The following ADAMTS18 variants were observed in gnomAD, a reference collection of about 807,000 sequenced individuals.
The protein encoded by ADAMTS18 is ADAM metallopeptidase with thrombospondin type 1 motif 18.
Under a neutral mutation model 165.9 loss-of-function variants are expected in ADAMTS18, and 157 were observed. That is an observed-to-expected ratio of 0.95 (90% CI 0.83 to 1.08). The LOEUF is 1.08. ADAMTS18 is among the 50% of genes least tolerant of loss of function. The probability of loss-of-function intolerance (pLI) is 0.00; values close to 1 mark genes in which losing one functional copy is unlikely to be tolerated. For synonymous variants in ADAMTS18, 782 were observed against 578.2 expected, an observed-to-expected ratio of 1.35 and a Z score of -5.06; for missense variants, 2,040 against 1,534.0, an observed-to-expected ratio of 1.33 and a Z score of -5.51.
Position 77,329,840 on chromosome 16 carries a change from T to C in ADAMTS18, c.1860-3802A>G, listed in dbSNP as rs544793875. The stretch of plus-strand genomic sequence containing the variant: ...AGTTGTTTAATATTAAAAAGAAATA[T>C]AGAAATAGAAAACAAAAACCTAGGC... On this transcript the variant is annotated intron_variant, in intron 12 of 22. Transcript: ENST00000282849. Among the ~76,000 whole-genome samples, 17 of 152,280 alleles carry C rather than the reference T, an allele frequency of 1.1e-4. No individual in the cohort carries two copies. In the South Asian group the frequency reaches 1.7e-3, roughly 15 times the overall value.
At chr16:77,303,508 A>T (rs902570945) in intron 16 of ADAMTS18, among the ~76,000 whole-genome samples, 6 of 152,190 alleles carry the variant, frequency 3.9e-5, no homozygotes, top group Non-Finnish European at 8.8e-5. Flanking sequence ...CTCATATTTA[A>T]TAGATCAGAA....
intron 3 of ADAMTS18, among the ~76,000 whole-genome samples, chr16:77,387,474 C>G (rs1056560874): frequency 2.6e-5 from 4 of 152,174 alleles, no homozygotes; most frequent in African/African-American, 7.2e-5. Context: ...TCAAAATGCA[C>G]TACTCAAGAG....
chr16:77,390,977 G>T (rs552477439), intron 3 of ADAMTS18, among the ~76,000 whole-genome samples: 1 of 152,140 alleles, frequency 6.6e-6, no homozygotes, highest in South Asian at 2.1e-4. Context: ...TGTCGGTGAT[G>T]CTGCCATTTC....
At chr16:77,380,862 G>A (rs1179451223) in intron 3 of ADAMTS18, among the ~76,000 whole-genome samples, 2 of 151,894 alleles carry the variant, frequency 1.3e-5, no homozygotes, top group Non-Finnish European at 2.9e-5. Flanking sequence ...GTTTTTTGTT[G>A]TTTTAATTTT....
intron 3 of ADAMTS18, among the ~76,000 whole-genome samples, chr16:77,422,154 C>T (rs928388155): frequency 1.3e-5 from 2 of 152,028 alleles, no homozygotes; most frequent in Non-Finnish European, 1.5e-5. Context: ...ACAGACCAAT[C>T]CATAAATAAA....
intron 21 of ADAMTS18, 54 bp from the exon 22 acceptor site, chr16:77,289,465 A>G: frequency 1.3e-6 from 2 of 1,593,614 alleles, no homozygotes; most frequent in East Asian, 2.2e-5. Context: ...GGTCAGTGAC[A>G]TCAAACAGAA....
At chr16:77,414,033 T>C (rs932460717) in intron 3 of ADAMTS18, among the ~76,000 whole-genome samples, 5 of 152,316 alleles carry the variant, frequency 3.3e-5, no homozygotes, top group South Asian at 2.1e-4. Flanking sequence ...AATTTCTGCA[T>C]AGAAACTATA....
chr16:77,382,144 T>C (rs2057040060), intron 3 of ADAMTS18, among the ~76,000 whole-genome samples: 1 of 152,210 alleles, frequency 6.6e-6, no homozygotes, highest in African/African-American at 2.4e-5. Context: ...TAATAAAAGA[T>C]ACCATATCTT....
rs770102415 is a variant in ADAMTS18, at chr16:77,289,303, C to G, written c.3511G>C (p.Ala1171Pro). The G allele has an allele frequency of 1.9e-6, 3 of 1,614,126 alleles. No homozygotes were observed. Among genetic ancestry groups the G allele is most frequent in the Non-Finnish European group, 2.5e-6 (3 of 1,180,008 alleles). Residue 1171 changes from alanine to proline, a missense_variant, in exon 22 of 23, where the codon GCC becomes CCC. Coordinates refer to ENST00000282849, the MANE Select transcript of ADAMTS18 (RefSeq NM_199355.4). Reference sequence around the variant, plus strand: ...GCTGGACAGAAGTTTGTATTACAGGCTCGTAGCACCGGAGGTTTCTGATGG... The same window carrying G: ...GCTGGACAGAAGTTTGTATTACAGGGTCGTAGCACCGGAGGTTTCTGATGG... ...LLHQKPPVLR[A>P]CNTNFCPAPE...
At chr16:77,328,472 T>G (rs2056133088) in intron 12 of ADAMTS18, among the ~76,000 whole-genome samples, 1 of 152,154 alleles carries the variant, frequency 6.6e-6, no homozygotes, top group Non-Finnish European at 1.5e-5. Context: ...AACTGCACGC[T>G]AAAATGGATT....
At chr16:77,421,410 A>T (rs1056068482) in intron 3 of ADAMTS18, among the ~76,000 whole-genome samples, 6 of 152,230 alleles carry the variant, frequency 3.9e-5, no homozygotes, top group African/African-American at 1.4e-4. Flanking sequence ...AGTCCAAGCA[A>T]ATGTTTTTGG....
At chr16:77,378,987 G>C (rs1247497359) in intron 3 of ADAMTS18, 2 of 152,132 alleles carry the variant, frequency 1.3e-5, no homozygotes, top group Non-Finnish European at 2.9e-5. Context: ...GACCTGAAAA[G>C]ACACATATTG....
rs201593177 is a variant in ADAMTS18, at chr16:77,297,595, CTAAAA to C, written c.2675-185_2675-181del. 4.1e-4 allele frequency among the ~76,000 whole-genome samples: 62 copies of C among 151,886 alleles called. 1 individual carries two copies. In the East Asian group the frequency reaches 0.011, roughly 26 times the overall value. On this transcript the variant is annotated intron_variant, in intron 17 of 22. Transcript: ENST00000282849. Reference sequence around the variant, plus strand: ...ACTAATTTGAATTCCATTCCCCTCCCTAAAATAATATATTTTATATTTTAATAATT... The same window carrying C: ...ACTAATTTGAATTCCATTCCCCTCCCTAATATATTTTATATTTTAATAATT...
intron 16 of ADAMTS18, among the ~76,000 whole-genome samples, chr16:77,310,968 A>G (rs913220687): frequency 1.3e-5 from 2 of 152,178 alleles, no homozygotes; most frequent in African/African-American, 4.8e-5. Flanking sequence ...TGTTTTTTAA[A>G]CCAGACAATG....
chr16:77,372,788 G>A (rs887928973), intron 3 of ADAMTS18, among the ~76,000 whole-genome samples: 10 of 152,168 alleles, frequency 6.6e-5, no homozygotes, highest in Non-Finnish European at 1.0e-4. Context: ...GTAGATGCTC[G>A]CGTCTCTTAT....
chr16:77,307,070 G>C (rs1412253303), intron 16 of ADAMTS18, among the ~76,000 whole-genome samples: 2 of 152,146 alleles, frequency 1.3e-5, no homozygotes, highest in African/African-American at 4.8e-5. Flanking sequence ...TTTATTTCTT[G>C]AACATACTGG....
intron 12 of ADAMTS18, among the ~76,000 whole-genome samples, chr16:77,334,789 A>ATACTATAGTAT (rs1567492071): frequency 4.2e-5 from 1 of 23,938 alleles, no homozygotes; most frequent in Non-Finnish European, 7.9e-5. Flanking sequence ...GTATACAGTA[A>ATACTATAGTAT]ATATACTATA....
intron 22 of ADAMTS18, among the ~76,000 whole-genome samples, chr16:77,288,590 C>T (rs911471117): frequency 1.3e-5 from 2 of 152,062 alleles, no homozygotes; most frequent in East Asian, 3.9e-4. Flanking sequence ...AGGTATAGTC[C>T]TAGGGCAATA....
chr16:77,382,160 C>T (rs192496401), intron 3 of ADAMTS18, among the ~76,000 whole-genome samples: 1 of 152,158 alleles, frequency 6.6e-6, no homozygotes, highest in Non-Finnish European at 1.5e-5. Flanking sequence ...ATCTTCCCAG[C>T]CCCTGAGATA....
Sources: allele counts gnomAD v4.1 joint callset (sites outside exome capture counted in the v4.1 genomes callset), GRCh38; gene constraint gnomAD v4.1.1; transcripts MANE v1.5; gene names NCBI Gene and HGNC (gene_info 2026-07-23, HGNC 2026-07-21).